Variants in HK1 observed in about 807,000 individuals in gnomAD.
The protein encoded by HK1 is hexokinase 1, also known as hexokinase-1.
Under a neutral mutation model 91.6 loss-of-function variants are expected in HK1, and 28 were observed. The ratio of observed to expected loss-of-function variants is 0.31; its 90% confidence interval spans 0.23 to 0.42. The LOEUF is 0.42. HK1 is among the 10% of genes least tolerant of loss of function. The pLI is 1.00. For missense variants in HK1, 770 were observed against 1,219.8 expected (o/e 0.63, Z 5.49); for synonymous variants, 430 against 468.1 (o/e 0.92, Z 1.05).
At chr10:69,295,682 TAAGA>T (rs779173199) in intron 4 of HK1, 5 of 1,586,364 alleles carry the variant, frequency 3.2e-6, no homozygotes, top group Middle Eastern at 1.7e-4. Context: ...GAAAGTGAGG[TAAGA>T]AAGCTATTTT....
intron 16 of HK1, 92 bp downstream of exon 16, chr10:69,395,197 C>A: frequency 7.9e-7 from 1 of 1,261,740 alleles, no homozygotes; most frequent in Non-Finnish European, 1.1e-6. Flanking sequence ...CCCTAGGGGA[C>A]ATTTTGGCCA....
chr10:69,335,500 C>T (rs914998637), intron 1 of HK1, among the ~76,000 whole-genome samples: 1 of 152,194 alleles, frequency 6.6e-6, no homozygotes. Context: ...CTCCAGGAAG[C>T]CCCTGGCCCT....
At chr10:69,275,679 C>T (rs534266402) in intron 1 of HK1, among the ~76,000 whole-genome samples, 1 of 152,142 alleles carries the variant, frequency 6.6e-6, no homozygotes, top group Admixed American at 6.5e-5. Context: ...ATTTGTCCTG[C>T]AATTCAGTTT....
At chr10:69,326,550 G>A (rs1448947559) in intron 1 of HK1, among the ~76,000 whole-genome samples, 1 of 152,130 alleles carries the variant, frequency 6.6e-6, no homozygotes, top group African/African-American at 2.4e-5. Context: ...CTTCTTTTAG[G>A]AGAAAAACCT....
At chr10:69,378,397 C>G (rs1839223408) in intron 8 of HK1, among the ~76,000 whole-genome samples, 1 of 151,528 alleles carries the variant, frequency 6.6e-6, no homozygotes, top group South Asian at 2.1e-4. Flanking sequence ...TCACCAGTTT[C>G]TATTTGGCAT....
rs1846823184 is a variant in HK1, at chr10:69,318,870, CCGGAGGACCACGGCTCGCCAGGGCTG to C, written c.-68_-43del. ...AGGAGGAGGAGCCGCCGAGCAGCCG[CCGGAGGACCACGGCTCGCCAGGGCTG>C]CGGAGGACCGACCGTCCCCACGCCT... On this transcript the variant is annotated 5_prime_UTR_variant, in exon 1 of 18. Transcript: ENST00000359426. 6.6e-7 allele frequency: 1 copy of C among 1,513,474 alleles called. No homozygotes were observed. The highest frequency in any genetic ancestry group is 1.5e-5 in the African/African-American group (1 of 68,852). The allele number at this position is 1,513,474 out of a possible 1,614,324, so 93.8% of individuals were successfully genotyped here. A position where few individuals can be genotyped will look rare whatever the true frequency, so the allele number is the denominator to read the frequency against.
rs974770291 is a variant in HK1 at position 69,275,419 on chromosome 10, G to A, written c.-391+5311G>A. Among the ~76,000 whole-genome samples, 10 of 151,076 alleles carry A rather than the reference G, an allele frequency of 6.6e-5. 1 individual carries two copies. The highest frequency in any genetic ancestry group is 1.2e-4 in the Non-Finnish European group (8 of 67,788). ...AAAAACAACTTAAATTTGTACATTT[G>A]TAATTTCCAAGTATATTGTTTTAAA... On this transcript the variant is annotated intron_variant, in intron 1 of 21. Transcript: ENST00000360289.
At position 69,401,303 on chromosome 10, in the gene HK1, C is replaced by T. The variant is rs116971854; in HGVS notation, c.*168C>T. On this transcript the variant is annotated 3_prime_UTR_variant, in exon 18 of 18. Coordinates refer to ENST00000359426, the MANE Select transcript of HK1 (RefSeq NM_000188.3). The stretch of plus-strand genomic sequence containing the variant: ...ATATATTGTAGGGTACAGAATAGAG[C>T]GTGTGCTGTTGATAATATCTCTCAC... 4.7e-4 allele frequency: 337 copies of T among 723,892 alleles called. 1 individual carries two copies. The highest frequency in any genetic ancestry group is 7.4e-4 in the Non-Finnish European group (322 of 432,216). The allele number at this position is 723,892 out of a possible 1,614,324, so 44.8% of individuals were successfully genotyped here. A position where few individuals can be genotyped will look rare whatever the true frequency, so the allele number is the denominator to read the frequency against.
chr10:69,401,752 C>A lies in HK1; in HGVS notation c.*617C>A, dbSNP rs531354639. ...TGTTTGTCTCGTGGGGGGAGGTGGA[C>A]AGTCCTGCGGAAATGTGTCTTGTCT... On this transcript the variant is annotated 3_prime_UTR_variant, in exon 18 of 18. Transcript: ENST00000359426. The A allele has an allele frequency of 5.2e-6, 1 of 190,890 alleles. No individual in the cohort carries two copies. Among genetic ancestry groups the A allele is most frequent in the South Asian group, 7.7e-5 (1 of 12,924 alleles). 11.8% of individuals were successfully genotyped at this position (190,890 alleles called of 1,614,324 possible).
chr10:69,281,248 G>GC (rs1363741427), intron 1 of HK1, among the ~76,000 whole-genome samples: 8 of 152,130 alleles, frequency 5.3e-5, no homozygotes, highest in African/African-American at 1.4e-4. Context: ...CTGTGGAAGG[G>GC]CCCAAGAATG....
At chr10:69,338,723 G>T (rs1443601798) in intron 1 of HK1, 6 of 1,268,472 alleles carry the variant, frequency 4.7e-6, no homozygotes. Context: ...GTACTTGTGT[G>T]TGTATGTGTG....
chr10:69,355,513 A>G (rs1410844350), intron 2 of HK1, among the ~76,000 whole-genome samples: 1 of 152,108 alleles, frequency 6.6e-6, no homozygotes, highest in Non-Finnish European at 1.5e-5. Flanking sequence ...ATACAGGCTG[A>G]GTGTGGTGGC....
In HK1 at chr10:69,328,375, A is replaced by C. The variant is rs375282379; in HGVS notation, c.63+9365A>C. Among the ~76,000 whole-genome samples, 12 of 152,320 alleles carry C rather than the reference A, an allele frequency of 7.9e-5. No homozygotes were observed. The East Asian group carries it at 1.5e-3, about 20-fold the overall frequency. The stretch of plus-strand genomic sequence containing the variant: ...ACAGGGAAGGGGGCATTCAGTGCCT[A>C]CTAGGCGCCCGGCTTTTCTTTTTCT... On this transcript the variant is annotated intron_variant, in intron 1 of 17. Coordinates refer to ENST00000359426, the MANE Select transcript of HK1 (RefSeq NM_000188.3).
rs1196799971 is a variant in HK1 at position 69,380,592 on chromosome 10, C to T, written c.1265+497C>T. On this transcript the variant is annotated intron_variant, in intron 9 of 17. Coordinates refer to ENST00000359426, the MANE Select transcript of HK1 (RefSeq NM_000188.3). The surrounding 1 kb of genome is among the most constrained non-coding windows in gnomAD (Gnocchi z 4.0). ...CTTGTTTCAGAAGCTCCTGTTAAAA[C>T]CCCCCAAACCCTCAGACTTTACTTT... Among the ~76,000 whole-genome samples the T allele has an allele frequency of 1.3e-5, 2 of 152,154 alleles. No individual in the cohort carries two copies. Among genetic ancestry groups the T allele is most frequent in the African/African-American group, 4.8e-5 (2 of 41,430 alleles).
chr10:69,362,842 G>A (rs1171695908), intron 3 of HK1, among the ~76,000 whole-genome samples: 5 of 152,198 alleles, frequency 3.3e-5, no homozygotes, highest in Admixed American at 6.5e-5. Flanking sequence ...AAGCTTAGCC[G>A]GCTTCTCTGG....
upstream of HK1, chr10:69,318,269 C>T (rs888998807): frequency 4.1e-5 from 40 of 975,026 alleles, no homozygotes; most frequent in African/African-American, 6.8e-4. Context: ...GTGAGGAAGG[C>T]GCGGGACCCG....
At chr10:69,286,965 T>C (rs1845063127) in intron 2 of HK1, among the ~76,000 whole-genome samples, 1 of 152,220 alleles carries the variant, frequency 6.6e-6, no homozygotes, top group African/African-American at 2.4e-5. Context: ...GGGCTCTCCA[T>C]ATCATTTTGG....
At chr10:69,378,326 TAA>T (rs1839219474) in intron 8 of HK1, among the ~76,000 whole-genome samples, 1 of 151,514 alleles carries the variant, frequency 6.6e-6, no homozygotes, top group Non-Finnish European at 1.5e-5. Context: ...AAAAAAACTA[TAA>T]AAACATCCTA....
intron 2 of HK1, among the ~76,000 whole-genome samples, chr10:69,286,906 TC>T (rs1845059548): frequency 6.6e-6 from 1 of 152,120 alleles, no homozygotes; most frequent in Admixed American, 6.5e-5. Flanking sequence ...TCGAGGAAGC[TC>T]ATAGAGAAAC....
Sources: allele counts gnomAD v4.1 joint callset (sites outside exome capture counted in the v4.1 genomes callset), GRCh38; gene constraint gnomAD v4.1.1; non-coding constraint Gnocchi (gnomAD v3.1); transcripts MANE v1.5; gene names NCBI Gene and HGNC (gene_info 2026-07-23, HGNC 2026-07-21).